The following DTWD2 variants were observed in gnomAD, a reference collection of about 807,000 sequenced individuals.
DTWD2 encodes the protein DTW motif tRNA-uridine aminocarboxypropyltransferase 2.
In DTWD2, 39 loss-of-function variants were observed where a neutral mutation model predicts 31.8. The observed-to-expected ratio is 1.22, with a 90% CI of 0.95 to 1.60. The LOEUF (loss-of-function observed/expected upper bound fraction) is 1.60, where lower values mean the gene tolerates loss of function less well. Among genes scored for constraint, DTWD2 ranks in the 40% most tolerant of loss-of-function variants. The probability of loss-of-function intolerance (pLI) is 0.00; values close to 1 mark genes in which losing one functional copy is unlikely to be tolerated. For synonymous variants in DTWD2, 180 were observed against 142.8 expected (o/e 1.26, Z -1.86); for missense variants, 515 against 381.5 (o/e 1.35, Z -2.92).
chr5:118,874,987 G>A (rs1446345536), intron 4 of DTWD2, among the ~76,000 whole-genome samples: 1 of 152,142 alleles, frequency 6.6e-6, no homozygotes, highest in African/African-American at 2.4e-5. Context: ...CACCTACAAA[G>A]AGAAACCCAT....
At chr5:118,870,750 G>A (rs1054934533) in intron 4 of DTWD2, among the ~76,000 whole-genome samples, 3 of 151,980 alleles carry the variant, frequency 2.0e-5, no homozygotes, top group Non-Finnish European at 4.4e-5. Flanking sequence ...CAATAATGAA[G>A]TTTGCTGCAT....
At chr5:118,899,448 G>A (rs766386098) in intron 4 of DTWD2, among the ~76,000 whole-genome samples, 1 of 152,138 alleles carries the variant, frequency 6.6e-6, no homozygotes, top group Admixed American at 6.6e-5. Context: ...CAATGGTTCG[G>A]TATTCACTAA....
intron 4 of DTWD2, among the ~76,000 whole-genome samples, chr5:118,883,491 C>T (rs1484920897): frequency 2.0e-5 from 3 of 152,166 alleles, no homozygotes; most frequent in Non-Finnish European, 4.4e-5. Context: ...AGTCCATTTT[C>T]ACATTGCTAT....
intron 4 of DTWD2, among the ~76,000 whole-genome samples, chr5:118,866,498 G>C (rs1301274793): frequency 6.6e-6 from 1 of 151,806 alleles, no homozygotes; most frequent in Non-Finnish European, 1.5e-5. Context: ...TTCAAAAGAT[G>C]GGAAAACATA....
chr5:118,971,954 CTG>C (rs1754997007), intron 1 of DTWD2, among the ~76,000 whole-genome samples: 1 of 152,224 alleles, frequency 6.6e-6, no homozygotes, highest in African/African-American at 2.4e-5. Flanking sequence ...ACCAGAATCT[CTG>C]TAACACTGCA....
chr5:118,869,118 ATGGTGGTGG>A (rs371732780), intron 4 of DTWD2, among the ~76,000 whole-genome samples: 3 of 151,598 alleles, frequency 2.0e-5, no homozygotes, highest in Non-Finnish European at 2.9e-5. Flanking sequence ...GCGAAAATGG[ATGGTGGTGG>A]TGGTGGTGGT....
intron 4 of DTWD2, among the ~76,000 whole-genome samples, chr5:118,873,773 G>A (rs1260655110): frequency 6.6e-6 from 1 of 152,170 alleles, no homozygotes; most frequent in African/African-American, 2.4e-5. Flanking sequence ...ATCTTGAGGG[G>A]CACAGAGAAG....
At chr5:118,950,440 A>T (rs1027831292) in intron 1 of DTWD2, among the ~76,000 whole-genome samples, 1 of 152,168 alleles carries the variant, frequency 6.6e-6, no homozygotes, top group Non-Finnish European at 1.5e-5. Flanking sequence ...GTGATGGTCC[A>T]GGAGGCTTTT....
At chr5:118,841,204 C>G (rs894822927) in intron 5 of DTWD2, 117 bp from the exon 6 acceptor site, 2 of 1,112,468 alleles carry the variant, frequency 1.8e-6, no homozygotes, top group Non-Finnish European at 2.5e-6. Flanking sequence ...TGGCTTTTAA[C>G]TATGAGAAAC....
Position 118,934,466 on chromosome 5 carries a change from A to G in DTWD2, c.404+4730T>C, listed in dbSNP as rs1423711996. ...GGAGATTGCATGGAATTATATTTTT[A>G]TAAGGTTCTTATGTTATATATTTAA... On this transcript the variant is annotated intron_variant, in intron 3 of 5. Coordinates refer to ENST00000510708, the MANE Select transcript of DTWD2 (RefSeq NM_173666.4). 5.9e-5 allele frequency among the ~76,000 whole-genome samples: 9 copies of G among 151,920 alleles called. No homozygotes were observed. The South Asian group carries it at 1.9e-3, about 32-fold the overall frequency.
intron 4 of DTWD2, among the ~76,000 whole-genome samples, chr5:118,915,570 T>G (rs1753556337): frequency 6.6e-6 from 1 of 152,068 alleles, no homozygotes; most frequent in Admixed American, 6.5e-5. Context: ...GAGATGGGGT[T>G]TCACCATGTT....
chr5:118,845,593 G>A (rs550422338), intron 5 of DTWD2, among the ~76,000 whole-genome samples: 55 of 152,248 alleles, frequency 3.6e-4, no homozygotes, highest in Admixed American at 1.4e-3. Context: ...AGGTTTGACT[G>A]TCAAATATCC....
At chr5:118,889,865 C>T (rs1752941643) in intron 4 of DTWD2, among the ~76,000 whole-genome samples, 1 of 152,052 alleles carries the variant, frequency 6.6e-6, no homozygotes, top group South Asian at 2.1e-4. Context: ...ACTTAGCTAT[C>T]CCCTAAAACT....
At chr5:118,907,228 C>T (rs1048170915) in intron 4 of DTWD2, among the ~76,000 whole-genome samples, 6 of 152,150 alleles carry the variant, frequency 3.9e-5, no homozygotes, top group African/African-American at 1.4e-4. Flanking sequence ...ACTAGCTGAC[C>T]CTAATTAGGA....
chr5:118,859,804 A>C (rs1413804403), intron 4 of DTWD2, among the ~76,000 whole-genome samples: 1 of 152,168 alleles, frequency 6.6e-6, no homozygotes, highest in Non-Finnish European at 1.5e-5. Flanking sequence ...TTTTATAAAA[A>C]TAGGAATAAA....
chr5:118,915,484 C>T (rs1183499188), intron 4 of DTWD2, among the ~76,000 whole-genome samples: 1 of 151,812 alleles, frequency 6.6e-6, no homozygotes, highest in African/African-American at 2.4e-5. Context: ...ACGCCATTCT[C>T]CTGCCTCAGC....
chr5:118,943,550 C>CA (rs1270693139), intron 2 of DTWD2, among the ~76,000 whole-genome samples: 5,735 of 63,614 alleles, frequency 0.09, 390 homozygotes, highest in African/African-American at 0.25. Context: ...GACTCCGTCT[C>CA]AAAAAAAAAA....
chr5:118,984,230 G>A (rs1328555409), intron 1 of DTWD2, among the ~76,000 whole-genome samples: 1 of 151,850 alleles, frequency 6.6e-6, no homozygotes, highest in East Asian at 1.9e-4. Flanking sequence ...CAGAGGTTGC[G>A]GTCAGCCAAG....
At chr5:118,949,940 A>G (rs189102398) in intron 1 of DTWD2, among the ~76,000 whole-genome samples, 48 of 152,222 alleles carry the variant, frequency 3.2e-4, no homozygotes, top group Admixed American at 1.0e-3. Flanking sequence ...GCCGGGCGCG[A>G]TGGCTCACGC....
Sources: allele counts gnomAD v4.1 joint callset (sites outside exome capture counted in the v4.1 genomes callset), GRCh38; gene constraint gnomAD v4.1.1; transcripts MANE v1.5; gene names NCBI Gene and HGNC (gene_info 2026-07-23, HGNC 2026-07-21).